TRNAU1AP: variants seen among roughly 807,000 people sequenced by gnomAD.
TRNAU1AP encodes tRNA selenocysteine 1 associated protein 1.
Under a neutral mutation model 43.3 loss-of-function variants are expected in TRNAU1AP, and 33 were observed. The ratio of observed to expected loss-of-function variants is 0.76; its 90% CI spans 0.58 to 1.02. TRNAU1AP has a LOEUF of 1.02. TRNAU1AP is among the 50% of genes least tolerant of loss of function. The pLI is 0.00. For missense variants in TRNAU1AP, 290 were observed against 362.7 expected, an observed-to-expected ratio of 0.80 and a Z score of 1.63; for synonymous variants, 143 against 129.1, an observed-to-expected ratio of 1.11 and a Z score of -0.73.
At chr1:28,562,194 A>G (rs1665425759) in intron 4 of TRNAU1AP, among the ~76,000 whole-genome samples, 1 of 152,242 alleles carries the variant, frequency 6.6e-6, no homozygotes. Context: ...AAACATTTAT[A>G]TGCATTAACC....
chr1:28,571,940 A>G (rs756294474), intron 8 of TRNAU1AP, 40 bp downstream of exon 8: 3 of 1,569,894 alleles, frequency 1.9e-6, no homozygotes, highest in Admixed American at 3.3e-5. Flanking sequence ...AGCCATTATC[A>G]GGTGACTGCT....
At chr1:28,574,021 AT>A (rs2124217736) in intron 8 of TRNAU1AP, among the ~76,000 whole-genome samples, 1 of 148,630 alleles carries the variant, frequency 6.7e-6, no homozygotes, top group East Asian at 2.0e-4. Flanking sequence ...GGGTTGGAGG[AT>A]GGCTTGAGCC....
intron 2 of TRNAU1AP, among the ~76,000 whole-genome samples, chr1:28,554,391 C>T: frequency 6.6e-6 from 1 of 152,024 alleles, no homozygotes; most frequent in South Asian, 2.1e-4. Flanking sequence ...TCACATTCAT[C>T]ATTAGGACAG....
At chr1:28,560,992 A>G (rs1665393039) in intron 3 of TRNAU1AP, 3 of 1,240,016 alleles carry the variant, frequency 2.4e-6, no homozygotes, top group Non-Finnish European at 3.2e-6. Flanking sequence ...TCCATTCTGC[A>G]TTGCTGCCTC....
At chr1:28,562,245 A>G (rs889451878) in intron 4 of TRNAU1AP, among the ~76,000 whole-genome samples, 6 of 152,220 alleles carry the variant, frequency 3.9e-5, no homozygotes, top group Non-Finnish European at 8.8e-5. Context: ...GGACGTGTGC[A>G]AAGATTAGCC....
chr1:28,553,104 C>A lies in TRNAU1AP; in HGVS notation c.-7C>A, dbSNP rs929394413. 6.6e-7 allele frequency: 1 copy of A among 1,523,404 alleles called. No homozygotes were observed. 94.4% of individuals were successfully genotyped at this position (1,523,404 alleles called of 1,614,324 possible). On this transcript the variant is annotated 5_prime_UTR_variant, in exon 1 of 9. Coordinates refer to ENST00000373830, the MANE Select transcript of TRNAU1AP (RefSeq NM_017846.5). ...CCGCCCGCAAAGCCCCACCCCGGTG[C>A]GCGGGTATGGCGGCCAGCCTGTGGA...
intron 2 of TRNAU1AP, among the ~76,000 whole-genome samples, chr1:28,555,940 A>T (rs1243547284): frequency 6.9e-6 from 1 of 144,812 alleles, no homozygotes; most frequent in African/African-American, 2.6e-5. Flanking sequence ...TGCAAGCTCC[A>T]CCTCCTGGGT....
chr1:28,576,704 A>G (rs1056154433), intron 8 of TRNAU1AP, among the ~76,000 whole-genome samples: 2 of 152,006 alleles, frequency 1.3e-5, no homozygotes, highest in African/African-American at 2.4e-5. Context: ...GGTTCAAGCA[A>G]TTCTCCTGCC....
chr1:28,557,177 T>C (rs1665283112), intron 2 of TRNAU1AP, among the ~76,000 whole-genome samples: 1 of 150,412 alleles, frequency 6.6e-6, no homozygotes, highest in Admixed American at 6.6e-5. Flanking sequence ...CCCAGCACTT[T>C]GGGAGGCCGA....
Position 28,571,230 on chromosome 1 carries a change from G to A in TRNAU1AP, c.585G>A (p.Gln195=). ...YSQMYSYSYN[Q]YYQQYQNYYA... ...AGATGTACAGTTATAGCTACAACCA[G>A]TATTATCAGCAGTACCAGAACTACT... Residue 195 remains glutamine, a synonymous_variant, in exon 7 of 9, where the codon CAG becomes CAA. Coordinates refer to ENST00000373830, the MANE Select transcript of TRNAU1AP (RefSeq NM_017846.5). The A allele has an allele frequency of 6.2e-7, 1 of 1,614,112 alleles. No individual in the cohort carries two copies. The highest frequency in any genetic ancestry group is 1.3e-5 in the African/African-American group (1 of 75,046).
intron 3 of TRNAU1AP, 163 bp from the exon 4 acceptor site, chr1:28,561,183 G>T: frequency 6.9e-7 from 1 of 1,454,378 alleles, no homozygotes; most frequent in Non-Finnish European, 9.0e-7. Flanking sequence ...AGTGCCCTTA[G>T]CGGTCATCCG....
chr1:28,576,307 C>T (rs1288377672), intron 8 of TRNAU1AP, among the ~76,000 whole-genome samples: 1 of 151,582 alleles, frequency 6.6e-6, no homozygotes, highest in Admixed American at 6.6e-5. Context: ...ACACAGGTCA[C>T]CATGCCCAGC....
intron 4 of TRNAU1AP, among the ~76,000 whole-genome samples, chr1:28,562,824 G>C (rs543991747): frequency 1.8e-4 from 27 of 151,264 alleles, no homozygotes; most frequent in Admixed American, 1.5e-3. Flanking sequence ...CTCGTGATCT[G>C]CCCACCTCAG....
In TRNAU1AP at chr1:28,567,363, A is replaced by G. The variant is rs142687345; in HGVS notation, c.480A>G (p.Ala160=). 167 of 1,614,030 alleles carry G rather than the reference A, an allele frequency of 1.0e-4. No individual in the cohort carries two copies. In the South Asian group the frequency reaches 1.5e-3, roughly 14 times the overall value. The change falls in exon 6 of 9, where the codon GCA becomes GCG. Residue 160 remains alanine, a synonymous_variant. Transcript: ENST00000373830. ...QKRALTECQG[A]VGLGSKPVRL... ...GAGCCCTGACGGAGTGCCAGGGAGC[A>G]GTGGGACTGGGGTCTAAGCCTGTGC...
intron 2 of TRNAU1AP, among the ~76,000 whole-genome samples, chr1:28,556,412 C>A (rs373553701): frequency 1.3e-5 from 2 of 151,456 alleles, no homozygotes; most frequent in Admixed American, 6.6e-5. Flanking sequence ...TGCAGTGAGC[C>A]GAGATTGTGC....
At chr1:28,568,548 T>A (rs924222884) in intron 6 of TRNAU1AP, among the ~76,000 whole-genome samples, 11 of 152,230 alleles carry the variant, frequency 7.2e-5, no homozygotes, top group African/African-American at 2.7e-4. Flanking sequence ...GTGTTGGGAT[T>A]ACAGGCATAA....
At chr1:28,556,170 C>G (rs925259038) in intron 2 of TRNAU1AP, among the ~76,000 whole-genome samples, 4 of 151,102 alleles carry the variant, frequency 2.6e-5, no homozygotes, top group Non-Finnish European at 5.9e-5. Context: ...CTTTTTAAAA[C>G]ACTGGCATAG....
At chr1:28,575,665 T>C (rs1665761187) in intron 8 of TRNAU1AP, among the ~76,000 whole-genome samples, 1 of 148,162 alleles carries the variant, frequency 6.7e-6, no homozygotes, top group Non-Finnish European at 1.5e-5. Context: ...GGAGTCTTGC[T>C]CTGTCGCCCA....
chr1:28,553,096 C>T lies in TRNAU1AP; in HGVS notation c.-15C>T. The stretch of plus-strand genomic sequence containing the variant: ...GCAGAGCCCCGCCCGCAAAGCCCCA[C>T]CCCGGTGCGCGGGTATGGCGGCCAG... On this transcript the variant is annotated 5_prime_UTR_variant, in exon 1 of 9. Coordinates refer to ENST00000373830, the MANE Select transcript of TRNAU1AP (RefSeq NM_017846.5). 1 of 1,524,798 alleles carries T rather than the reference C, an allele frequency of 6.6e-7. No individual in the cohort carries two copies. Among genetic ancestry groups the T allele is most frequent in the South Asian group, 1.2e-5 (1 of 82,084 alleles). The allele number at this position is 1,524,798 out of a possible 1,614,324, so 94.5% of individuals were successfully genotyped here.
Sources: allele counts gnomAD v4.1 joint callset (sites outside exome capture counted in the v4.1 genomes callset), GRCh38; gene constraint gnomAD v4.1.1; transcripts MANE v1.5; gene names NCBI Gene and HGNC (gene_info 2026-07-23, HGNC 2026-07-21).